Variants in SF3A3 observed in about 807,000 individuals in gnomAD.
SF3A3 encodes splicing factor 3a subunit 3.
In SF3A3, 9 loss-of-function variants were observed where a neutral mutation model predicts 85.8. That is an observed-to-expected ratio of 0.10 (90% CI 0.06 to 0.18). The LOEUF is 0.18. Among genes scored for constraint, SF3A3 ranks in the 10% least tolerant of loss-of-function variants. The pLI is 1.00. For missense variants in SF3A3, 306 were observed against 593.3 expected (o/e 0.52, Z 5.03); for synonymous variants, 195 against 204.4 (o/e 0.95, Z 0.39).
chr1:37,962,603 CAAAAAA>C (rs10562404), intron 15 of SF3A3, among the ~76,000 whole-genome samples: 1 of 80,256 alleles, frequency 1.2e-5, no homozygotes, highest in Non-Finnish European at 2.2e-5. Flanking sequence ...AACTCCATCT[CAAAAAA>C]AAAAAAAAAA....
chr1:37,974,039 C>T (rs897769173), intron 12 of SF3A3, among the ~76,000 whole-genome samples: 1 of 151,990 alleles, frequency 6.6e-6, no homozygotes, highest in Non-Finnish European at 1.5e-5. Flanking sequence ...AATGAGAATA[C>T]TTGGACACAG....
intron 1 of SF3A3, 73 bp downstream of exon 1, chr1:37,989,797 G>T (rs1646482853): frequency 7.4e-7 from 1 of 1,351,456 alleles, no homozygotes. Flanking sequence ...GAGGGCCAAA[G>T]CAAGCTCTCA....
intron 6 of SF3A3, among the ~76,000 whole-genome samples, chr1:37,982,014 A>G (rs924673342): frequency 3.3e-5 from 5 of 152,034 alleles, no homozygotes; most frequent in African/African-American, 1.2e-4. Flanking sequence ...GAAGGAAAAT[A>G]TCAGACATAA....
intron 12 of SF3A3, among the ~76,000 whole-genome samples, chr1:37,970,521 C>CA (rs1382025607): frequency 1.3e-5 from 2 of 149,582 alleles, no homozygotes; most frequent in Non-Finnish European, 3.0e-5. Context: ...TAGACATCTA[C>CA]AGAACTCTCC....
intron 15 of SF3A3, among the ~76,000 whole-genome samples, chr1:37,965,805 G>C (rs530952755): frequency 3.4e-4 from 47 of 136,594 alleles, no homozygotes; most frequent in African/African-American, 1.2e-3. Context: ...TGAGAGTAAA[G>C]TGCCTGTAAT....
Position 37,966,544 on chromosome 1 carries a change from G to C in SF3A3, c.1372+1500C>G, listed in dbSNP as rs545852885. ...CAATCAAAATCTTGCATAAAAGGGA[G>C]TTCACAGACCCAGGCTAAAAGCCCT... On this transcript the variant is annotated intron_variant, in intron 15 of 16. Transcript: ENST00000373019. 2.1e-4 allele frequency among the ~76,000 whole-genome samples: 32 copies of C among 152,270 alleles called. 1 individual carries two copies. The South Asian group carries it at 6.0e-3, about 29-fold the overall frequency.
chr1:37,980,756 A>G (rs1386047531), intron 7 of SF3A3, 32 bp from the exon 8 acceptor site: 1 of 1,558,764 alleles, frequency 6.4e-7, no homozygotes, highest in South Asian at 1.2e-5. Flanking sequence ...AGACAAAGCA[A>G]AAAGGGTTTC....
intron 6 of SF3A3, among the ~76,000 whole-genome samples, chr1:37,982,145 G>A (rs1322926771): frequency 6.6e-6 from 1 of 152,116 alleles, no homozygotes; most frequent in African/African-American, 2.4e-5. Flanking sequence ...GGTGCTCAAA[G>A]GTGCCATTTG....
At chr1:37,963,492 C>T (rs1646276609) in intron 15 of SF3A3, among the ~76,000 whole-genome samples, 1 of 151,920 alleles carries the variant, frequency 6.6e-6, no homozygotes. Context: ...AACTGACTAA[C>T]CTAGACAGCT....
chr1:37,976,420 CTAA>C (rs1646380511), intron 12 of SF3A3, among the ~76,000 whole-genome samples: 2 of 152,162 alleles, frequency 1.3e-5, no homozygotes, highest in South Asian at 4.2e-4. Flanking sequence ...CAGCTTTGTA[CTAA>C]TAATATTCTA....
chr1:37,987,729 T>TA (rs746113971), intron 3 of SF3A3, 51 bp from the exon 4 acceptor site: 14 of 1,603,534 alleles, frequency 8.7e-6, no homozygotes, highest in Non-Finnish European at 8.5e-7. Flanking sequence ...GTCAGTCCTC[T>TA]AACCATGGCT....
intron 7 of SF3A3, 95 bp from the exon 8 acceptor site, chr1:37,980,819 G>GTA: frequency 2.6e-6 from 1 of 386,420 alleles, no homozygotes. Context: ...TATAATTCTA[G>GTA]TAATGCTATC....
intron 7 of SF3A3, 73 bp downstream of exon 7, chr1:37,981,656 A>T: frequency 1.1e-6 from 1 of 930,392 alleles, no homozygotes; most frequent in Non-Finnish European, 1.7e-6. Flanking sequence ...ACAAATTCAG[A>T]ACTTCACCCT....
At chr1:37,987,955 TAGTCTTAAC>T (rs1646467547) in intron 2 of SF3A3, 119 bp from the exon 3 acceptor site, 1 of 817,632 alleles carries the variant, frequency 1.2e-6, no homozygotes, top group East Asian at 2.5e-5. Flanking sequence ...GGATATGAGA[TAGTCTTAAC>T]AGTTCTGTGC....
intron 12 of SF3A3, among the ~76,000 whole-genome samples, chr1:37,972,001 G>A (rs147250301): frequency 3.7e-4 from 57 of 152,264 alleles, no homozygotes; most frequent in African/African-American, 1.1e-3. Flanking sequence ...TGGAAGTTCC[G>A]GCCAGGGCAA....
chr1:37,976,145 G>C (rs1329972121), intron 12 of SF3A3, among the ~76,000 whole-genome samples: 7 of 86,396 alleles, frequency 8.1e-5, no homozygotes, highest in Non-Finnish European at 1.1e-4. Context: ...GACAGAGCAA[G>C]ACTCTGTCTC....
At chr1:37,960,217 ATC>A (rs754934421) in intron 15 of SF3A3, 42 bp from the exon 16 acceptor site, 2 of 1,574,524 alleles carry the variant, frequency 1.3e-6, no homozygotes, top group Non-Finnish European at 8.7e-7. Flanking sequence ...TGGACTGAAC[ATC>A]TGTTGGGTAT....
intron 15 of SF3A3, among the ~76,000 whole-genome samples, chr1:37,961,106 C>G (rs1219687784): frequency 6.6e-6 from 1 of 152,118 alleles, no homozygotes; most frequent in African/African-American, 2.4e-5. Flanking sequence ...GCGTTTCCAC[C>G]TTTCCCATCA....
chr1:37,978,921 G>C lies in SF3A3; in HGVS notation c.827+67C>G. ...TGGAGCAACAAAAAAAATGGAATCA[G>C]AGCTACTTAGAAGACTGTGCAAACA... On this transcript the variant is annotated intron_variant, in intron 10 of 16. Coordinates refer to ENST00000373019, the MANE Select transcript of SF3A3 (RefSeq NM_006802.4). The C allele has an allele frequency of 2.6e-6, 4 of 1,552,954 alleles. No individual in the cohort carries two copies. The Admixed American group carries it at 6.7e-5, about 26-fold the overall frequency.
Sources: gnomAD v4.1 joint callset for allele counts (sites outside exome capture counted in the v4.1 genomes callset) on GRCh38, gnomAD v4.1.1 for gene constraint, MANE v1.5 for transcripts, NCBI Gene and HGNC (gene_info 2026-07-23, HGNC 2026-07-21) for gene names.